The following PER2 variants were observed in gnomAD, a reference collection of about 807,000 sequenced individuals.
PER2 encodes the protein period circadian regulator 2, also known as period circadian protein homolog 2.
A neutral mutation model predicts 121.0 loss-of-function variants in PER2; 66 were observed. That is an observed-to-expected ratio of 0.55 (90% CI 0.45 to 0.67). The LOEUF is 0.67. Among genes scored for constraint, PER2 ranks in the 30% least tolerant of loss-of-function variants. PER2 has a pLI of 0.00. For missense variants in PER2, 1,521 were observed against 1,635.0 expected, an observed-to-expected ratio of 0.93 and a Z score of 1.20; for synonymous variants, 684 against 659.9, an observed-to-expected ratio of 1.04 and a Z score of -0.56.
At chr2:238,277,269 G>A in intron 2 of PER2, 76 bp from the exon 3 acceptor site, 1 of 949,520 alleles carries the variant, frequency 1.1e-6, no homozygotes, top group East Asian at 2.4e-5. Flanking sequence ...CATCCTACCA[G>A]TGATAACAGG....
rs151160658 is a variant in PER2 at position 238,252,927 on chromosome 2, C to T, written c.3096G>A (p.Pro1032=). ...AAATCCTTACGGTCAGAGGCGCCTT[C>T]GGCTGCTGGTCCCGAGAAGTGCCAG... is the stretch of plus-strand genomic sequence containing the variant. ...CKPGTSRDQQ[P]KAPLTRDEPS... The change falls in exon 19 of 23, where the codon CCG becomes CCA. Residue 1032 remains proline (P), a synonymous_variant. Coordinates refer to ENST00000254657, the MANE Select transcript of PER2 (RefSeq NM_022817.3). This position sits in a 1 kb window ranked among gnomAD's most constrained non-coding sequence, Gnocchi z 4.2. The T allele has an allele frequency of 8.1e-5, 130 of 1,613,406 alleles. No homozygotes were observed. Among genetic ancestry groups the T allele is most frequent in the Non-Finnish European group, 1.0e-4 (121 of 1,180,024 alleles).
rs756291908 is a variant in PER2, at chr2:238,253,606, T to A, written c.2417A>T (p.Asp806Val). 1.4e-5 allele frequency: 22 copies of A among 1,610,004 alleles called. No homozygotes were observed. The highest frequency in any genetic ancestry group is 1.7e-5 in the Non-Finnish European group (20 of 1,178,184). Reference sequence around the variant, plus strand: ...CCCAGATCCGGTGCTCTCAGATGAGTCTCGAGGTTTGACCCGCTTGGACTT... The same window carrying A: ...CCCAGATCCGGTGCTCTCAGATGAGACTCGAGGTTTGACCCGCTTGGACTT... ...KLKSKRVKPR[D>V]SSESTGSGGP... Residue 806 changes from aspartate (D) to valine (V), a missense_variant, in exon 19 of 23, where the codon GAC becomes GTC. Asp to Val is a radical substitution (Grantham distance 152). Coordinates refer to ENST00000254657, the MANE Select transcript of PER2 (RefSeq NM_022817.3). The surrounding 1 kb of genome is among the most constrained non-coding windows in gnomAD (Gnocchi z 5.6).
chr2:238,279,045 G>A (rs932147136), intron 1 of PER2, among the ~76,000 whole-genome samples: 5 of 152,038 alleles, frequency 3.3e-5, no homozygotes, highest in African/African-American at 1.2e-4. Flanking sequence ...GAGGGGGGGT[G>A]AACAGAGACA....
In PER2 at chr2:238,273,022, G is replaced by A; in HGVS notation, c.570+48C>T. On this transcript the variant is annotated intron_variant, in intron 5 of 22. Transcript: ENST00000254657. ...CAGTGCTGAGCTAGCTCGCCTGCAG[G>A]AGGAACTCCTGCCATTTTAGAAAGA... is the stretch of plus-strand genomic sequence containing the variant. 5.0e-6 allele frequency: 8 copies of A among 1,605,778 alleles called. No homozygotes were observed. The South Asian group carries it at 8.8e-5, about 18-fold the overall frequency.
At chr2:238,284,600 G>A (rs960004905) in intron 1 of PER2, among the ~76,000 whole-genome samples, 3 of 152,212 alleles carry the variant, frequency 2.0e-5, no homozygotes, top group Non-Finnish European at 4.4e-5. Flanking sequence ...AGCCCAGGCA[G>A]TCCTTAGAGG....
chr2:238,270,968 A>C (rs1210861416), intron 6 of PER2, among the ~76,000 whole-genome samples: 1 of 152,232 alleles, frequency 6.6e-6, no homozygotes, highest in African/African-American at 2.4e-5. Context: ...GCCTGCGTGC[A>C]GGGAGCAGGG....
At chr2:238,249,394 A>G (rs2106363611) in intron 21 of PER2, among the ~76,000 whole-genome samples, 182 bp from the exon 22 acceptor site, 1 of 152,342 alleles carries the variant, frequency 6.6e-6, no homozygotes, top group Admixed American at 6.5e-5. Flanking sequence ...TTCTATGAAA[A>G]TGATGATTCT....
At chr2:238,290,885 C>T (rs1230044184), upstream of PER2, among the ~76,000 whole-genome samples, 1 of 152,202 alleles carries the variant, frequency 6.6e-6, no homozygotes, top group East Asian at 1.9e-4. Context: ...TCCATCCCAG[C>T]TCCAACAGAG....
At chr2:238,278,045 C>A in intron 1 of PER2, 90 bp from the exon 2 acceptor site, 1 of 1,366,754 alleles carries the variant, frequency 7.3e-7, no homozygotes, top group South Asian at 1.2e-5. Flanking sequence ...TTGACTCTTT[C>A]TGTTACTAAT....
chr2:238,275,720 G>A, intron 4 of PER2, 23 bp downstream of exon 4: 2 of 1,609,412 alleles, frequency 1.2e-6, no homozygotes, highest in Non-Finnish European at 1.7e-6. Context: ...TAGGTTTGGA[G>A]CAGATGTGCG....
At chr2:238,275,612 C>A in intron 4 of PER2, 131 bp downstream of exon 4, 1 of 1,005,958 alleles carries the variant, frequency 9.9e-7, no homozygotes, top group Non-Finnish European at 1.6e-6. Context: ...TCGCTTAAGC[C>A]CAGAAGTCAA....
chr2:238,288,095 G>A (rs867968391), intron 1 of PER2, among the ~76,000 whole-genome samples: 1 of 152,250 alleles, frequency 6.6e-6, no homozygotes, highest in Middle Eastern at 3.4e-3. Flanking sequence ...GAGACCCGTG[G>A]GTGTCCAGGA....
upstream of PER2, among the ~76,000 whole-genome samples, chr2:238,288,956 A>C (rs1382125929): frequency 6.6e-6 from 1 of 152,150 alleles, no homozygotes; most frequent in Non-Finnish European, 1.5e-5. Flanking sequence ...ATGGAACTCC[A>C]TGTTCACCTC....
intron 8 of PER2, among the ~76,000 whole-genome samples, chr2:238,265,798 A>G (rs79953388): frequency 0.047 from 7,124 of 152,182 alleles, 348 homozygotes; most frequent in African/African-American, 0.12. Context: ...TAGCTTCTTT[A>G]TATGCTAGTT....
At position 238,246,076 on chromosome 2, in the gene PER2, C is replaced by T. The variant is rs1017362161; in HGVS notation, c.*299G>A. 1.2e-4 allele frequency: 26 copies of T among 220,908 alleles called. No homozygotes were observed. The highest frequency in any genetic ancestry group is 2.0e-4 in the Non-Finnish European group (23 of 114,404). The allele number at this position is 220,908 out of a possible 1,614,324, so 13.7% of individuals were successfully genotyped here. On this transcript the variant is annotated 3_prime_UTR_variant, in exon 23 of 23. Coordinates refer to ENST00000254657, the MANE Select transcript of PER2 (RefSeq NM_022817.3). Reference sequence around the variant, plus strand: ...TTCTGGGAGCACTGAGGCAACTTCCCTGACACTAAGAGGCGCTTAGTCTTT... The same window carrying T: ...TTCTGGGAGCACTGAGGCAACTTCCTTGACACTAAGAGGCGCTTAGTCTTT...
intron 12 of PER2, 133 bp downstream of exon 12, chr2:238,261,596 T>C: frequency 2.8e-6 from 2 of 705,878 alleles, no homozygotes; most frequent in Non-Finnish European, 5.1e-6. Context: ...AACTGTCCCC[T>C]GGGGGATGTT....
chr2:238,260,704 G>T, intron 13 of PER2, 124 bp downstream of exon 13: 1 of 1,056,936 alleles, frequency 9.5e-7, no homozygotes, highest in Non-Finnish European at 1.5e-6. Context: ...GTTTAGAAAG[G>T]AAGCAGCAAC....
At chr2:238,270,238 C>T (rs903607642) in intron 6 of PER2, among the ~76,000 whole-genome samples, 63 of 152,194 alleles carry the variant, frequency 4.1e-4, no homozygotes, top group Admixed American at 9.2e-4. Flanking sequence ...CTAACAGAAA[C>T]AACTTGGCAT....
At chr2:238,265,189 C>T (rs1696055373) in intron 9 of PER2, among the ~76,000 whole-genome samples, 1 of 152,212 alleles carries the variant, frequency 6.6e-6, no homozygotes, top group African/African-American at 2.4e-5. Context: ...TGGGATCCAG[C>T]CAATGGCATC....
Sources: gnomAD v4.1 joint callset for allele counts (sites outside exome capture counted in the v4.1 genomes callset) on GRCh38, gnomAD v4.1.1 for gene constraint, Gnocchi (gnomAD v3.1) non-coding constraint, MANE v1.5 for transcripts, NCBI Gene and HGNC (gene_info 2026-07-23, HGNC 2026-07-21) for gene names.